FMN1: variants seen among roughly 807,000 people sequenced by gnomAD.
FMN1 encodes the protein formin 1.
FMN1 carries 110 observed loss-of-function variants against 132.4 expected under a neutral mutation model. The observed-to-expected ratio is 0.83, with a 90% CI of 0.71 to 0.97. The LOEUF is 0.97. FMN1 is among the 50% of genes least tolerant of loss of function. FMN1 has a pLI of 0.00. For missense variants in FMN1, 1,792 were observed against 1,705.3 expected, an observed-to-expected ratio of 1.05 and a Z score of -0.90; for synonymous variants, 722 against 651.7, an observed-to-expected ratio of 1.11 and a Z score of -1.64.
At chr15:33,036,998 C>T (rs2036221344) in intron 6 of FMN1, among the ~76,000 whole-genome samples, 1 of 152,246 alleles carries the variant, frequency 6.6e-6, no homozygotes, top group Admixed American at 6.5e-5. Context: ...AGACACTTAG[C>T]ATTCTGCTAT....
rs1246611662 is a variant in FMN1 at position 32,773,193 on chromosome 15, T to C, written c.*1117A>G. On this transcript the variant is annotated 3_prime_UTR_variant, in exon 21 of 21. Transcript: ENST00000616417. ...AACAATATTCCACTTGGAAGTTTTC[T>C]ATTAATGTAATTACTTTCATTTTGA... 1.3e-5 allele frequency: 2 copies of C among 152,266 alleles called. No individual in the cohort carries two copies. The highest frequency in any genetic ancestry group is 2.4e-5 in the African/African-American group (1 of 41,458). The allele number at this position is 152,266 out of a possible 1,614,324, so 9.4% of individuals were successfully genotyped here. A position where few individuals can be genotyped will look rare whatever the true frequency, so the allele number is the denominator to read the frequency against.
chr15:33,175,772 G>A (rs912567553), intron 3 of FMN1, among the ~76,000 whole-genome samples: 1 of 152,092 alleles, frequency 6.6e-6, no homozygotes, highest in Non-Finnish European at 1.5e-5. Context: ...TCACATGGAT[G>A]CCAAAATCAT....
chr15:33,105,576 G>A (rs1311766762), intron 4 of FMN1, among the ~76,000 whole-genome samples: 1 of 152,114 alleles, frequency 6.6e-6, no homozygotes, highest in African/African-American at 2.4e-5. Context: ...CTGGGGAAAG[G>A]TTTACAGACT....
intron 10 of FMN1, among the ~76,000 whole-genome samples, chr15:32,915,472 G>A (rs762735184): frequency 3.3e-5 from 5 of 152,102 alleles, no homozygotes; most frequent in Non-Finnish European, 7.4e-5. Flanking sequence ...TATTTTCGGC[G>A]TCACCCAAGA....
chr15:32,775,900 T>C (rs944319549), intron 20 of FMN1, among the ~76,000 whole-genome samples: 6 of 152,150 alleles, frequency 3.9e-5, no homozygotes, highest in African/African-American at 1.4e-4. Context: ...AGGACAGAGT[T>C]TGAAAAATCC....
At chr15:33,033,318 C>A (rs2036034306) in intron 6 of FMN1, among the ~76,000 whole-genome samples, 2 of 152,188 alleles carry the variant, frequency 1.3e-5, no homozygotes, top group South Asian at 4.1e-4. Flanking sequence ...GCGTGAGCCA[C>A]CACGCCTGGC....
At chr15:33,135,456 G>C (rs1329874708) in intron 4 of FMN1, among the ~76,000 whole-genome samples, 11 of 152,204 alleles carry the variant, frequency 7.2e-5, no homozygotes, top group Non-Finnish European at 4.4e-5. Flanking sequence ...CCCAGTTAGG[G>C]AGGAGAATGT....
At chr15:32,962,372 C>T (rs899212396) in intron 9 of FMN1, among the ~76,000 whole-genome samples, 24 of 151,854 alleles carry the variant, frequency 1.6e-4, no homozygotes, top group African/African-American at 4.6e-4. Context: ...AACGTTAGAC[C>T]TAAAACCATA....
chr15:32,913,887 G>A (rs2060621552), intron 10 of FMN1, among the ~76,000 whole-genome samples: 1 of 152,112 alleles, frequency 6.6e-6, no homozygotes, highest in Non-Finnish European at 1.5e-5. Context: ...GCTGATGGGA[G>A]GAAAAGCTTC....
intron 3 of FMN1, among the ~76,000 whole-genome samples, chr15:33,173,426 G>A (rs188539798): frequency 6.6e-6 from 1 of 152,340 alleles, no homozygotes; most frequent in East Asian, 1.9e-4. Context: ...GGGCCCAGGT[G>A]AGAAAGCATG....
In FMN1 at chr15:32,857,114, A is replaced by G; in HGVS notation, c.3836-7T>C. The G allele has an allele frequency of 6.2e-7, 1 of 1,605,278 alleles. No individual in the cohort carries two copies. The highest frequency in any genetic ancestry group is 8.5e-7 in the Non-Finnish European group (1 of 1,172,062). On this transcript the variant is annotated splice_polypyrimidine_tract_variant and splice_region_variant and intron_variant, in intron 16 of 20. Coordinates refer to ENST00000616417, the MANE Select transcript of FMN1 (RefSeq NM_001277313.2). Reference sequence around the variant, plus strand: ...ACCATCTGTTTCTCACTTGCTGTGAAGAGAAATTTAGAATTAGACTTAGGA... The same window carrying G: ...ACCATCTGTTTCTCACTTGCTGTGAGGAGAAATTTAGAATTAGACTTAGGA...
intron 17 of FMN1, among the ~76,000 whole-genome samples, chr15:32,805,333 T>C (rs1259808761): frequency 6.6e-6 from 1 of 152,224 alleles, no homozygotes; most frequent in Non-Finnish European, 1.5e-5. Flanking sequence ...TTCATATCCT[T>C]TGCCCACTTT....
intron 16 of FMN1, among the ~76,000 whole-genome samples, chr15:32,862,020 A>AGAGGGCTGCCCTCCGACGGTC (rs2059280404): frequency 6.6e-6 from 1 of 152,164 alleles, no homozygotes; most frequent in Admixed American, 6.5e-5. Flanking sequence ...TGATCAAAGG[A>AGAGGGCTGCCCTCCGACGGTC]GAGGGCTGCC....
intron 9 of FMN1, among the ~76,000 whole-genome samples, chr15:32,957,493 C>T (rs1031488178): frequency 1.3e-5 from 2 of 151,560 alleles, no homozygotes; most frequent in Admixed American, 6.6e-5. Context: ...TATACAAACA[C>T]GATATGTACT....
chr15:33,143,591 G>C (rs1964094569), intron 4 of FMN1, among the ~76,000 whole-genome samples: 1 of 152,094 alleles, frequency 6.6e-6, no homozygotes, highest in South Asian at 2.1e-4. Context: ...TCCAAATGAA[G>C]ATGGGACACC....
At chr15:32,996,597 T>TTA (rs2033784000) in intron 7 of FMN1, among the ~76,000 whole-genome samples, 1 of 152,164 alleles carries the variant, frequency 6.6e-6, no homozygotes, top group Non-Finnish European at 1.5e-5. Flanking sequence ...ATTCACTCCT[T>TTA]ATATATAAAG....
intron 4 of FMN1, chr15:33,150,803 A>C (rs1964410091): frequency 3.0e-6 from 3 of 986,268 alleles, no homozygotes; most frequent in Admixed American, 6.1e-5. Flanking sequence ...ACAGGAAATA[A>C]ATGTCCACAG....
At chr15:33,122,522 C>T (rs1962664580) in intron 4 of FMN1, among the ~76,000 whole-genome samples, 1 of 152,158 alleles carries the variant, frequency 6.6e-6, no homozygotes, top group Non-Finnish European at 1.5e-5. Flanking sequence ...CTAGATGTCC[C>T]AAGTATTTAA....
chr15:32,855,897 T>C (rs1462243152), intron 17 of FMN1, among the ~76,000 whole-genome samples: 1 of 152,158 alleles, frequency 6.6e-6, no homozygotes, highest in Non-Finnish European at 1.5e-5. Flanking sequence ...AGCACACAAG[T>C]ATTGGTATCT....
Sources: gnomAD v4.1 joint callset for allele counts (sites outside exome capture counted in the v4.1 genomes callset) on GRCh38, gnomAD v4.1.1 for gene constraint, MANE v1.5 for transcripts, NCBI Gene and HGNC (gene_info 2026-07-23, HGNC 2026-07-21) for gene names.